FHIT: variants seen among roughly 807,000 people sequenced by gnomAD.
The protein encoded by FHIT is bis(5'-adenosyl)-triphosphatase.
A neutral mutation model predicts 17.9 loss-of-function variants in FHIT; 19 were observed. The observed-to-expected ratio is 1.06, with a 90% CI of 0.74 to 1.56. The LOEUF is 1.56. FHIT is among the 40% of genes most tolerant of loss of function. FHIT has a pLI of 0.00. For missense variants in FHIT, 248 were observed against 189.2 expected (o/e 1.31, Z -1.82); for synonymous variants, 81 against 69.7 (o/e 1.16, Z -0.81).
At chr3:60,275,058 T>C (rs1447928722) in intron 5 of FHIT, among the ~76,000 whole-genome samples, 2 of 152,114 alleles carry the variant, frequency 1.3e-5, no homozygotes, top group African/African-American at 2.4e-5. Flanking sequence ...TTGCATTTTA[T>C]TTAAAGACTC....
chr3:60,282,751 C>G (rs537506637), intron 5 of FHIT, among the ~76,000 whole-genome samples: 1 of 152,174 alleles, frequency 6.6e-6, no homozygotes, highest in East Asian at 1.9e-4. Context: ...TTCTGAAAAT[C>G]TAAAGCTGTT....
At chr3:60,132,972 A>C (rs1280876130) in intron 5 of FHIT, among the ~76,000 whole-genome samples, 3 of 152,196 alleles carry the variant, frequency 2.0e-5, no homozygotes, top group African/African-American at 7.2e-5. Flanking sequence ...ATAGCATCTA[A>C]AAGCGTTAAT....
At chr3:61,186,890 T>C (rs2038531503) in intron 2 of FHIT, among the ~76,000 whole-genome samples, 1 of 152,204 alleles carries the variant, frequency 6.6e-6, no homozygotes, top group Admixed American at 6.5e-5. Flanking sequence ...AGATCTTAAC[T>C]TAAACGTCAT....
chr3:60,551,931 C>G (rs1172418123), intron 4 of FHIT, among the ~76,000 whole-genome samples: 3 of 151,862 alleles, frequency 2.0e-5, no homozygotes. Flanking sequence ...TCATAACTAC[C>G]TAATTCAGAA....
intron 9 of FHIT, 60 bp downstream of exon 9, chr3:59,752,161 T>C: frequency 8.3e-7 from 1 of 1,201,722 alleles, no homozygotes; most frequent in Non-Finnish European, 1.2e-6. Flanking sequence ...ATTCTGAGAG[T>C]GCAGCCTCTT....
intron 5 of FHIT, among the ~76,000 whole-genome samples, chr3:60,364,341 C>G (rs1442338415): frequency 1.3e-5 from 2 of 152,196 alleles, no homozygotes; most frequent in African/African-American, 4.8e-5. Flanking sequence ...TTATTTTATT[C>G]AAACCTCCTT....
chr3:60,868,724 T>C (rs1161320053), intron 3 of FHIT, among the ~76,000 whole-genome samples: 2 of 152,184 alleles, frequency 1.3e-5, no homozygotes, highest in Non-Finnish European at 2.9e-5. Flanking sequence ...AACTCCCCTG[T>C]TAACTTACTT....
rs370164472 is a variant in FHIT at position 60,861,119 on chromosome 3, A to T, written c.-110-39108T>A. Among the ~76,000 whole-genome samples, 141 of 77,386 alleles carry T rather than the reference A, an allele frequency of 1.8e-3. 9 individuals are homozygous for T. Among genetic ancestry groups the T allele is most frequent in the Non-Finnish European group, 3.2e-3 (125 of 38,650 alleles). 50.8% of individuals were successfully genotyped at this position (77,386 alleles called of 152,430 possible). A position where few individuals can be genotyped will look rare whatever the true frequency, so the allele number is the denominator to read the frequency against. ...TATCATATATACACATATATCCTAT[A>T]TGTGTATATATGATATATGTATATA... is the stretch of plus-strand genomic sequence containing the variant. On this transcript the variant is annotated intron_variant, in intron 3 of 9. Coordinates refer to ENST00000492590, the MANE Select transcript of FHIT (RefSeq NM_002012.4).
chr3:60,744,608 T>G (rs1341979388), intron 4 of FHIT, among the ~76,000 whole-genome samples: 1 of 152,148 alleles, frequency 6.6e-6, no homozygotes, highest in African/African-American at 2.4e-5. Flanking sequence ...ACCAAAACCA[T>G]TACCATCAAT....
chr3:60,035,854 G>C (rs751058868), intron 5 of FHIT, among the ~76,000 whole-genome samples: 30 of 152,278 alleles, frequency 2.0e-4, no homozygotes, highest in Non-Finnish European at 3.7e-4. Context: ...TCTATCAATA[G>C]GTTAAGCTAG....
At chr3:60,315,936 A>C (rs1173057066) in intron 5 of FHIT, among the ~76,000 whole-genome samples, 1 of 152,138 alleles carries the variant, frequency 6.6e-6, no homozygotes, top group East Asian at 1.9e-4. Flanking sequence ...ATAACTAGCA[A>C]ATATTGAGGC....
rs1553780519 is a variant in FHIT, at chr3:60,470,033, T to TCCC, written c.103+66826_103+66827insGGG. Among the ~76,000 whole-genome samples, 460 of 145,432 alleles carry TCCC rather than the reference T, an allele frequency of 3.2e-3. 2 individuals are homozygous for TCCC. The highest frequency in any genetic ancestry group is 0.012 in the African/African-American group (434 of 36,646). ...TGAAATCTGTCTCTGTCTCTCTGTC[T>TCCC]CTCTCCCCTCTCCTCTCTCTTTCTT... On this transcript the variant is annotated intron_variant, in intron 5 of 9. Coordinates refer to ENST00000492590, the MANE Select transcript of FHIT (RefSeq NM_002012.4).
chr3:60,339,248 A>C (rs772821850), intron 5 of FHIT, among the ~76,000 whole-genome samples: 3 of 151,890 alleles, frequency 2.0e-5, no homozygotes, highest in Non-Finnish European at 4.4e-5. Context: ...TTTGGATCTC[A>C]GGATCCAAAA....
chr3:59,874,669 G>C (rs1469161968), intron 8 of FHIT, among the ~76,000 whole-genome samples: 1 of 81,956 alleles, frequency 1.2e-5, no homozygotes, highest in Non-Finnish European at 2.5e-5. Flanking sequence ...CTTAGGTTTT[G>C]TGTTTTTCAT....
intron 8 of FHIT, among the ~76,000 whole-genome samples, chr3:59,846,108 G>C (rs1701709571): frequency 6.6e-6 from 1 of 152,018 alleles, no homozygotes; most frequent in Admixed American, 6.6e-5. Flanking sequence ...TTAAGGAGAG[G>C]TTTGATTCTG....
intron 2 of FHIT, among the ~76,000 whole-genome samples, chr3:61,093,034 G>A (rs1426454872): frequency 1.3e-5 from 2 of 152,164 alleles, no homozygotes; most frequent in East Asian, 3.9e-4. Context: ...ACAGAGCTAA[G>A]ACAAATCCCA....
In FHIT at chr3:60,046,934, G is replaced by A. The variant is rs546339190; in HGVS notation, c.104-32782C>T. Among the ~76,000 whole-genome samples the A allele has an allele frequency of 6.2e-4, 94 of 152,278 alleles. 1 individual carries two copies. Among genetic ancestry groups the A allele is most frequent in the African/African-American group, 2.0e-3 (82 of 41,562 alleles). ...ATTACAAGATAACAAAAAGTTATGC[G>A]ATTTTAGGAAATCAAGTATATAAAC... On this transcript the variant is annotated intron_variant, in intron 5 of 9. Transcript: ENST00000492590.
chr3:60,022,559 T>C (rs570152868), intron 5 of FHIT, among the ~76,000 whole-genome samples: 4 of 152,322 alleles, frequency 2.6e-5, no homozygotes, highest in East Asian at 1.9e-4. Flanking sequence ...CCCCGAATTA[T>C]AGGTCAGCAG....
intron 5 of FHIT, among the ~76,000 whole-genome samples, chr3:60,272,343 AC>A (rs1012821668): frequency 6.6e-6 from 1 of 152,216 alleles, no homozygotes; most frequent in African/African-American, 2.4e-5. Context: ...GGTTGCATAG[AC>A]CAGGGACACA....
Sources: gnomAD v4.1 joint callset for allele counts (sites outside exome capture counted in the v4.1 genomes callset) on GRCh38, gnomAD v4.1.1 for gene constraint, MANE v1.5 for transcripts, NCBI Gene and HGNC (gene_info 2026-07-23, HGNC 2026-07-21) for gene names.